The following MUC20 variants were observed in gnomAD, a reference collection of about 807,000 sequenced individuals.
The protein encoded by MUC20 is mucin-20.
A neutral mutation model predicts 23.8 loss-of-function variants in MUC20; 14 were observed. That is an observed-to-expected ratio of 0.59 (90% CI 0.39 to 0.92). The LOEUF is 0.92. Ranked by LOEUF, MUC20 falls within the 40% of genes least tolerant of loss-of-function variation. The pLI is 0.00. For synonymous variants in MUC20, 166 were observed against 279.3 expected (o/e 0.59, Z 4.04); for missense variants, 375 against 668.8 (o/e 0.56, Z 4.85).
In MUC20 at chr3:195,733,450, C is replaced by T. The variant is rs1301424964; in HGVS notation, c.*232C>T. The T allele has an allele frequency of 7.0e-7, 1 of 1,420,700 alleles. No individual in the cohort carries two copies. The highest frequency in any genetic ancestry group is 1.4e-5 in the African/African-American group (1 of 69,566). The allele number at this position is 1,420,700 out of a possible 1,614,324, so 88.0% of individuals were successfully genotyped here. ...GGCTTCACCTGTTCCCAGAGGTGTCCTTGGACTCACCTTGGCACATGTTCT... is the reference window on the plus strand; with the variant it reads ...GGCTTCACCTGTTCCCAGAGGTGTCTTTGGACTCACCTTGGCACATGTTCT... On this transcript the variant is annotated 3_prime_UTR_variant, in exon 4 of 4. Transcript: ENST00000447234.
rs3103935 is a variant in MUC20 at position 195,724,302 on chromosome 3, G to T, written c.77-378G>T. 28 of 282,288 alleles carry T rather than the reference G, an allele frequency of 9.9e-5. 8 individuals are homozygous for T. In the East Asian group the frequency reaches 5.7e-3, roughly 57 times the overall value. 17.5% of individuals were successfully genotyped at this position (282,288 alleles called of 1,614,324 possible). On this transcript the variant is annotated intron_variant, in intron 1 of 3. Coordinates refer to ENST00000447234, the MANE Select transcript of MUC20 (RefSeq NM_001282506.2). ...GGATGAGAAAAGTATCCGGGGAAGG[G>T]GACAGAGGTTCAGAAAGCTCTGCGA...
At chr3:195,733,056 T>G (rs1199194562) in intron 3 of MUC20, 94 bp from the exon 4 acceptor site, 2 of 1,370,674 alleles carry the variant, frequency 1.5e-6, no homozygotes, top group African/African-American at 2.8e-5. Context: ...GTCCTCCGCA[T>G]GCACTCTGCC....
chr3:195,729,094 G>A (rs538255091), intron 2 of MUC20, among the ~76,000 whole-genome samples: 365 of 152,278 alleles, frequency 2.4e-3, no homozygotes, highest in Non-Finnish European at 4.3e-3. Context: ...CTTTTCCCTG[G>A]AAAGAAAAAT....
intron 1 of MUC20, among the ~76,000 whole-genome samples, chr3:195,723,037 C>T (rs1712307171): frequency 7.0e-6 from 1 of 142,328 alleles, no homozygotes. Context: ...TGGTCCTCAT[C>T]ACGTTGGCAA....
At chr3:195,727,463 G>A (rs1242723066) in intron 2 of MUC20, among the ~76,000 whole-genome samples, 1 of 152,280 alleles carries the variant, frequency 6.6e-6, no homozygotes, top group African/African-American at 2.4e-5. Context: ...TCTCAGGGGA[G>A]AAGTTCATTG....
At chr3:195,722,194 G>GC in intron 1 of MUC20, 1 of 483,912 alleles carries the variant, frequency 2.1e-6, no homozygotes, top group Non-Finnish European at 2.7e-6. Flanking sequence ...CAACGGCCCT[G>GC]CAAGATCGGC....
intron 3 of MUC20, among the ~76,000 whole-genome samples, chr3:195,730,408 C>G (rs9654052): frequency 2.0e-5 from 3 of 149,072 alleles, no homozygotes; most frequent in African/African-American, 7.3e-5. Flanking sequence ...TGCAGTGGTG[C>G]GATCTCAGCT....
At chr3:195,731,529 C>T (rs1713387074) in intron 3 of MUC20, among the ~76,000 whole-genome samples, 1 of 152,220 alleles carries the variant, frequency 6.6e-6, no homozygotes, top group Admixed American at 6.5e-5. Context: ...GGCAGGAGGG[C>T]CCCCAGGAGC....
Position 195,724,253 on chromosome 3 carries a change from T to TCC in MUC20, c.77-427_77-426insCC, listed in dbSNP as rs1712402698. 12 of 116,426 alleles carry TCC rather than the reference T, an allele frequency of 1.0e-4. 1 individual carries two copies. The South Asian group carries it at 1.7e-3, about 17-fold the overall frequency. 7.2% of individuals were successfully genotyped at this position (116,426 alleles called of 1,614,324 possible). A position where few individuals can be genotyped will look rare whatever the true frequency, so the allele number is the denominator to read the frequency against. ...GCCTTTCTCGTCTTTTAAGGGTTTT[T>TCC]ACTTCCATGGGGAACTATGTGTTGG... On this transcript the variant is annotated intron_variant, in intron 1 of 3. Coordinates refer to ENST00000447234, the MANE Select transcript of MUC20 (RefSeq NM_001282506.2).
intron 2 of MUC20, among the ~76,000 whole-genome samples, chr3:195,729,076 C>T (rs1265475890): frequency 2.0e-5 from 3 of 152,252 alleles, no homozygotes; most frequent in South Asian, 2.1e-4. Flanking sequence ...ACAGTCTGAT[C>T]GCTCCTTCTT....
At chr3:195,729,801 G>A in intron 3 of MUC20, 62 bp downstream of exon 3, 1 of 1,461,872 alleles carries the variant, frequency 6.8e-7, no homozygotes, top group Non-Finnish European at 9.4e-7. Flanking sequence ...AGGGGCTGCA[G>A]GGAAGACCCG....
intron 3 of MUC20, among the ~76,000 whole-genome samples, chr3:195,732,284 C>T (rs1438525299): frequency 6.6e-6 from 1 of 152,246 alleles, no homozygotes; most frequent in Non-Finnish European, 1.5e-5. Flanking sequence ...GCTGGGATTA[C>T]AGGCGTTGAG....
chr3:195,729,437 C>G (rs1713124011), intron 2 of MUC20: 1 of 559,660 alleles, frequency 1.8e-6, no homozygotes, highest in South Asian at 2.1e-5. Context: ...CTGCCTCAGC[C>G]TCCTGAGTAG....
intron 2 of MUC20, chr3:195,729,307 T>C (rs1483388159): frequency 3.2e-6 from 1 of 313,726 alleles, no homozygotes; most frequent in African/African-American, 2.3e-5. Flanking sequence ...GACTATTTCA[T>C]CCTCCTCTTT....
intron 3 of MUC20, chr3:195,730,091 A>T: frequency 3.0e-5 from 4 of 134,378 alleles, no homozygotes; most frequent in East Asian, 1.6e-4. Flanking sequence ...AAGTCAGGGC[A>T]GTTTATGCAA....
At chr3:195,728,639 GAGAT>G in intron 2 of MUC20, among the ~76,000 whole-genome samples, 1 of 52,214 alleles carries the variant, frequency 1.9e-5, no homozygotes, top group Non-Finnish European at 5.5e-5. Context: ...ACTGCAAGAG[GAGAT>G]CCTCTTTTAC....
intron 1 of MUC20, chr3:195,722,925 C>T (rs1459816226): frequency 4.0e-6 from 1 of 247,342 alleles, no homozygotes; most frequent in African/African-American, 2.3e-5. Flanking sequence ...TCACTATAGT[C>T]AGATCAACTA....
chr3:195,723,597 A>G (rs1712365594), intron 1 of MUC20, among the ~76,000 whole-genome samples: 1 of 112,660 alleles, frequency 8.9e-6, no homozygotes, highest in Admixed American at 8.3e-5. Flanking sequence ...CTAAAAAGTT[A>G]TTCGTCGTTT....
At position 195,725,928 on chromosome 3, in the gene MUC20, C is replaced by T. The variant is rs2550232; in HGVS notation, c.1325C>T (p.Thr442Ile). 243,295 of 927,360 alleles carry T rather than the reference C, an allele frequency of 0.26. 8,136 individuals are homozygous for T. Among genetic ancestry groups the T allele is most frequent in the East Asian group, 0.44 (12,097 of 27,326 alleles). 57.4% of individuals were successfully genotyped at this position (927,360 alleles called of 1,614,324 possible). The change falls in exon 2 of 4, where the codon ACA becomes ATA. Residue 442 changes from threonine (T) to isoleucine (I), a missense_variant. Around this residue, in one of 4 missense-constraint regions of MUC20, gnomAD observed 17 missense variants for 71.0 expected, o/e 0.24. Coordinates refer to ENST00000447234, the MANE Select transcript of MUC20 (RefSeq NM_001282506.2). ...TCCAGCATCCCTGGGGCCTCAGACA[C>T]AGATCTCATCCCCACGGAAGGGGTG... ...TTSSIPGASD[T>I]DLIPTEGVKA...
Sources: gnomAD v4.1 joint callset for allele counts (sites outside exome capture counted in the v4.1 genomes callset) on GRCh38, gnomAD v4.1.1 for gene constraint, gnomAD v4.1.1 regional missense constraint, MANE v1.5 for transcripts, NCBI Gene and HGNC (gene_info 2026-07-23, HGNC 2026-07-21) for gene names.